Variants in STARD6 observed in about 807,000 individuals in gnomAD.
STARD6 encodes StAR related lipid transfer domain containing 6.
STARD6 carries 21 observed loss-of-function variants against 22.3 expected under a neutral mutation model. The ratio of observed to expected loss-of-function variants is 0.94; its 90% CI spans 0.67 to 1.35. STARD6 has a LOEUF of 1.35. STARD6 is among the 40% of genes most tolerant of loss of function. The pLI is 0.00. For synonymous variants in STARD6, 80 were observed against 88.1 expected (o/e 0.91, Z 0.52); for missense variants, 269 against 266.9 (o/e 1.01, Z -0.05).
intron 7 of STARD6, among the ~76,000 whole-genome samples, chr18:54,327,532 G>A (rs1365529932): frequency 1.3e-5 from 2 of 152,122 alleles, no homozygotes; most frequent in Admixed American, 1.3e-4. Context: ...ATAATTTAAT[G>A]GTGGGTTTCA....
At chr18:54,327,233 A>G (rs747668029) in intron 7 of STARD6, among the ~76,000 whole-genome samples, 1 of 152,220 alleles carries the variant, frequency 6.6e-6, no homozygotes, top group Non-Finnish European at 1.5e-5. Flanking sequence ...ATATTTGTAT[A>G]CAAACATTTT....
intron 5 of STARD6, 148 bp from the exon 6 acceptor site, chr18:54,332,007 T>C (rs1278130273): frequency 3.7e-6 from 2 of 544,202 alleles, no homozygotes; most frequent in Non-Finnish European, 6.6e-6. Context: ...CCAAATCAGC[T>C]TGGATTTTGA....
At chr18:54,341,704 G>C (rs2088970940) in intron 4 of STARD6, among the ~76,000 whole-genome samples, 1 of 152,122 alleles carries the variant, frequency 6.6e-6, no homozygotes, top group Admixed American at 6.5e-5. Context: ...AAAAATTAGA[G>C]AATAATTTGA....
intron 6 of STARD6, among the ~76,000 whole-genome samples, chr18:54,330,124 C>G (rs905490722): frequency 6.6e-6 from 1 of 151,766 alleles, no homozygotes; most frequent in Non-Finnish European, 1.5e-5. Context: ...TTTGTTTATT[C>G]TGTGCAACTG....
At chr18:54,329,160 A>G (rs2088846713) in intron 7 of STARD6, among the ~76,000 whole-genome samples, 187 bp downstream of exon 7, 1 of 152,108 alleles carries the variant, frequency 6.6e-6, no homozygotes, top group Admixed American at 6.5e-5. Context: ...GGAAGTATCC[A>G]TTCTGATTAT....
intron 5 of STARD6, among the ~76,000 whole-genome samples, chr18:54,335,569 A>C (rs1263014533): frequency 1.3e-5 from 2 of 152,080 alleles, no homozygotes; most frequent in African/African-American, 2.4e-5. Flanking sequence ...GTTTGGAATC[A>C]CTTATCCCAC....
chr18:54,343,878 T>C (rs1241765317), intron 4 of STARD6, among the ~76,000 whole-genome samples: 2 of 26,332 alleles, frequency 7.6e-5, no homozygotes, highest in East Asian at 1.1e-3. Context: ...CCCGGCCAGC[T>C]GCCCCGTCCG....
chr18:54,327,957 C>A (rs1166656790), intron 7 of STARD6, among the ~76,000 whole-genome samples: 3 of 152,020 alleles, frequency 2.0e-5, no homozygotes, highest in African/African-American at 4.8e-5. Context: ...GTACATTGTT[C>A]TGAGTAATGT....
intron 4 of STARD6, among the ~76,000 whole-genome samples, chr18:54,343,484 G>A (rs1378784627): frequency 1.9e-5 from 2 of 105,518 alleles, no homozygotes; most frequent in Admixed American, 8.5e-5. Flanking sequence ...CTGCCCGGCC[G>A]CCCCTACTGG....
chr18:54,332,651 C>A (rs548159343), intron 5 of STARD6, among the ~76,000 whole-genome samples: 2 of 152,338 alleles, frequency 1.3e-5, no homozygotes, highest in South Asian at 4.1e-4. Context: ...CAGTCTACCT[C>A]ACTTGTCCAT....
chr18:54,349,324 A>C (rs2089071449), intron 4 of STARD6, among the ~76,000 whole-genome samples: 1 of 152,090 alleles, frequency 6.6e-6, no homozygotes, highest in Non-Finnish European at 1.5e-5. Context: ...ATTTGGGGGA[A>C]TAGCTTGCCA....
intron 7 of STARD6, among the ~76,000 whole-genome samples, chr18:54,325,562 T>A (rs2088818486): frequency 6.6e-6 from 1 of 152,102 alleles, no homozygotes; most frequent in Non-Finnish European, 1.5e-5. Context: ...TGCTTTTTTT[T>A]TTTGAGACAG....
At chr18:54,348,871 A>G (rs545553704) in intron 4 of STARD6, among the ~76,000 whole-genome samples, 13 of 152,296 alleles carry the variant, frequency 8.5e-5, no homozygotes, top group Admixed American at 2.0e-4. Context: ...AAGAAAAGGC[A>G]TAAGTGTTGA....
intron 1 of STARD6, 72 bp downstream of exon 1, chr18:54,357,720 G>C (rs545732484): frequency 6.5e-6 from 1 of 152,818 alleles, no homozygotes; most frequent in South Asian, 2.1e-4. Flanking sequence ...TTGGAAGGGC[G>C]TGGGGGGCAG....
intron 4 of STARD6, 159 bp downstream of exon 4, chr18:54,353,895 C>T: frequency 4.4e-6 from 2 of 449,914 alleles, no homozygotes; most frequent in Non-Finnish European, 7.9e-6. Context: ...TATCTGATTG[C>T]TGTATTTTAT....
At chr18:54,333,778 T>C (rs923067641) in intron 5 of STARD6, among the ~76,000 whole-genome samples, 1 of 152,214 alleles carries the variant, frequency 6.6e-6, no homozygotes, top group South Asian at 2.1e-4. Context: ...AAATAAATGA[T>C]AATATGATGG....
At chr18:54,331,294 A>T (rs571316857) in intron 6 of STARD6, among the ~76,000 whole-genome samples, 1 of 152,298 alleles carries the variant, frequency 6.6e-6, no homozygotes, top group East Asian at 1.9e-4. Context: ...ATAGGGATAC[A>T]TCAAAACCGG....
intron 7 of STARD6, among the ~76,000 whole-genome samples, chr18:54,328,478 A>C (rs1235766821): frequency 6.6e-6 from 1 of 152,334 alleles, no homozygotes; most frequent in Admixed American, 6.5e-5. Context: ...AAAATTGACA[A>C]ATGGGTAGAA....
intron 4 of STARD6, among the ~76,000 whole-genome samples, chr18:54,349,116 A>G (rs760861916): frequency 1.3e-5 from 2 of 152,164 alleles, no homozygotes; most frequent in East Asian, 1.9e-4. Flanking sequence ...TATGAGAGAC[A>G]TATAATACGT....
Sources: gnomAD v4.1 joint callset for allele counts (sites outside exome capture counted in the v4.1 genomes callset) on GRCh38, gnomAD v4.1.1 for gene constraint, MANE v1.5 for transcripts, NCBI Gene and HGNC (gene_info 2026-07-23, HGNC 2026-07-21) for gene names.